TMEM218: variants seen among roughly 807,000 people sequenced by gnomAD.
TMEM218 encodes the protein transmembrane protein 218.
A neutral mutation model predicts 10.0 loss-of-function variants in TMEM218; 8 were observed. That is an observed-to-expected ratio of 0.80 (90% CI 0.47 to 1.44). TMEM218 has a LOEUF of 1.44. Ranked by LOEUF, TMEM218 falls within the 40% of genes most tolerant of loss-of-function variation. The pLI is 0.00. For synonymous variants in TMEM218, 66 were observed against 63.5 expected, an observed-to-expected ratio of 1.04 and a Z score of -0.18; for missense variants, 110 against 140.1, an observed-to-expected ratio of 0.79 and a Z score of 1.08.
At position 125,097,391 on chromosome 11, in the gene TMEM218, C is replaced by T; in HGVS notation, c.*215G>A. On this transcript the variant is annotated 3_prime_UTR_variant, in exon 5 of 5. Transcript: ENST00000682305. ...CGGGTACTAAGAAGATAGCAATATC[C>T]TTCTTAAGCTGGTAAGAATCTAGCC... 1 of 456,376 alleles carries T rather than the reference C, an allele frequency of 2.2e-6. No homozygotes were observed. Among genetic ancestry groups the T allele is most frequent in the South Asian group, 5.6e-5 (1 of 17,852 alleles). 28.3% of individuals were successfully genotyped at this position (456,376 alleles called of 1,614,324 possible). A position where few individuals can be genotyped will look rare whatever the true frequency, so the allele number is the denominator to read the frequency against.
At chr11:125,106,309 C>T (rs12574705) in intron 1 of TMEM218, among the ~76,000 whole-genome samples, 20 of 151,376 alleles carry the variant, frequency 1.3e-4, no homozygotes, top group South Asian at 2.1e-4. Flanking sequence ...ATTAGTACCA[C>T]GCAAAACAGA....
chr11:125,110,429 TGAGA>T (rs1220080182), intron 1 of TMEM218: 2 of 152,246 alleles, frequency 1.3e-5, no homozygotes, highest in East Asian at 3.8e-4. Flanking sequence ...GGTTTTTCTC[TGAGA>T]GAGTTTGTTC....
In TMEM218 at chr11:125,108,682, G is replaced by C. The variant is rs147108351; in HGVS notation, c.-153+2857C>G. The stretch of plus-strand genomic sequence containing the variant: ...CCACAAATAAGTATAATTTTCCTCT[G>C]ATTTACATTAGAGTTGCATTCCTGG... On this transcript the variant is annotated intron_variant, in intron 1 of 4. Transcript: ENST00000682305. The surrounding 1 kb of genome is among the most constrained non-coding windows in gnomAD (Gnocchi z 5.3). Among the ~76,000 whole-genome samples the C allele has an allele frequency of 1.2e-3, 189 of 152,254 alleles. No individual in the cohort carries two copies. The highest frequency in any genetic ancestry group is 4.4e-3 in the African/African-American group (183 of 41,546).
intron 4 of TMEM218, among the ~76,000 whole-genome samples, chr11:125,100,312 C>A (rs193208714): frequency 1.3e-5 from 2 of 152,174 alleles, no homozygotes; most frequent in Non-Finnish European, 2.9e-5. Flanking sequence ...GGCAAGTTAC[C>A]TTAACCTCTG....
intron 4 of TMEM218, 45 bp from the exon 5 acceptor site, chr11:125,097,785 C>G: frequency 6.3e-7 from 1 of 1,589,472 alleles, no homozygotes; most frequent in Non-Finnish European, 8.6e-7. Context: ...CAGTTAGACA[C>G]CCTGGCTGGG....
chr11:125,111,276 C>G (rs1267192509), intron 1 of TMEM218, among the ~76,000 whole-genome samples: 1 of 152,208 alleles, frequency 6.6e-6, no homozygotes, highest in African/African-American at 2.4e-5. Context: ...GGCCACCTCC[C>G]AGGAGCTAGA....
intron 1 of TMEM218, chr11:125,103,835 CT>C (rs780156362): frequency 6.6e-5 from 10 of 152,092 alleles, no homozygotes; most frequent in Non-Finnish European, 1.0e-4. Flanking sequence ...TTTCTTTACC[CT>C]TATGGTTTAA....
intron 2 of TMEM218, 197 bp downstream of exon 2, chr11:125,102,537 T>C: frequency 7.1e-7 from 1 of 1,406,644 alleles, no homozygotes; most frequent in Non-Finnish European, 9.3e-7. Flanking sequence ...AGAAGTTTTT[T>C]CTGAGTGTTT....
chr11:125,109,707 G>A (rs1375487205), intron 1 of TMEM218, among the ~76,000 whole-genome samples: 1 of 152,210 alleles, frequency 6.6e-6, no homozygotes, highest in Non-Finnish European at 1.5e-5. Context: ...CAAGGGAGAA[G>A]GTGTTAGAAA....
chr11:125,107,898 A>G lies in TMEM218; in HGVS notation c.-153+3641T>C, dbSNP rs1481522544. ...CTTTATCAAAGACAAAAAAAAAAAA[A>G]AGAGAGAGAGAGGACCTGAATAAAG... is the stretch of plus-strand genomic sequence containing the variant. On this transcript the variant is annotated intron_variant, in intron 1 of 4. Transcript: ENST00000682305. Among the ~76,000 whole-genome samples, 20 of 151,170 alleles carry G rather than the reference A, an allele frequency of 1.3e-4. No individual in the cohort carries two copies. The South Asian group carries it at 2.3e-3, about 17-fold the overall frequency.
In TMEM218 at chr11:125,096,600, C is replaced by T. The variant is rs1949682127; in HGVS notation, c.*1006G>A. 6.6e-6 allele frequency: 1 copy of T among 152,328 alleles called. No homozygotes were observed. Among genetic ancestry groups the T allele is most frequent in the Non-Finnish European group, 1.5e-5 (1 of 68,026 alleles). The allele number at this position is 152,328 out of a possible 1,614,324, so 9.4% of individuals were successfully genotyped here. A position where few individuals can be genotyped will look rare whatever the true frequency, so the allele number is the denominator to read the frequency against. On this transcript the variant is annotated 3_prime_UTR_variant, in exon 5 of 5. Transcript: ENST00000682305. The stretch of plus-strand genomic sequence containing the variant: ...TATTGGCATAGAGCACATACTCCAT[C>T]AGTGATCTCTTTCCAACTTGTTTTC...
intron 3 of TMEM218, 28 bp downstream of exon 3, chr11:125,102,104 G>GCAATTA (rs1296239637): frequency 6.6e-7 from 1 of 1,517,738 alleles, no homozygotes; most frequent in African/African-American, 1.4e-5. Flanking sequence ...GCTTTACCTA[G>GCAATTA]GACTCCCAGT....
rs192732963 is a variant in TMEM218 at position 125,110,198 on chromosome 11, C to A, written c.-153+1341G>T. 8.2e-3 allele frequency among the ~76,000 whole-genome samples: 1,240 copies of A among 152,072 alleles called. 6 individuals carry two copies. Among genetic ancestry groups the A allele is most frequent in the Non-Finnish European group, 0.013 (907 of 67,966 alleles). On this transcript the variant is annotated intron_variant, in intron 1 of 4. Coordinates refer to ENST00000682305, the MANE Select transcript of TMEM218 (RefSeq NM_001258244.2). Reference sequence around the variant, plus strand: ...TAAATTATTGTTATTGAGTACAATACAATAAAATATAAAAACGGGTTCATG... The same window carrying A: ...TAAATTATTGTTATTGAGTACAATAAAATAAAATATAAAAACGGGTTCATG...
At position 125,102,640 on chromosome 11, in the gene TMEM218, A is replaced by G. The variant is rs781052875; in HGVS notation, c.-77+94T>C. On this transcript the variant is annotated intron_variant, in intron 2 of 4. Transcript: ENST00000682305. ...CTCTCTGAATATAAAACCCTACCTA[A>G]GAACTGGTAGAAGACACCAGGGCAT... 3.9e-6 allele frequency: 5 copies of G among 1,296,368 alleles called. No individual in the cohort carries two copies. In the South Asian group the frequency reaches 4.9e-5, roughly 13 times the overall value. 80.3% of individuals were successfully genotyped at this position (1,296,368 alleles called of 1,614,324 possible). A position where few individuals can be genotyped will look rare whatever the true frequency, so the allele number is the denominator to read the frequency against.
intron 1 of TMEM218, among the ~76,000 whole-genome samples, chr11:125,111,159 T>TG (rs1219426865): frequency 6.6e-6 from 1 of 152,162 alleles, no homozygotes; most frequent in African/African-American, 2.4e-5. Context: ...CACTGCAGCC[T>TG]GGGAACACCC....
intron 1 of TMEM218, among the ~76,000 whole-genome samples, chr11:125,105,496 G>A (rs10893327): frequency 0.15 from 23,224 of 152,162 alleles, 2,169 homozygotes; most frequent in East Asian, 0.42. Context: ...TGAGATACAG[G>A]AAGCATGGTG....
At chr11:125,101,467 C>G (rs748808551) in intron 3 of TMEM218, 164 bp from the exon 4 acceptor site, 4 of 1,532,428 alleles carry the variant, frequency 2.6e-6, no homozygotes, top group Non-Finnish European at 3.5e-6. Context: ...AGTCCTTCTT[C>G]CTAGACAGGT....
In TMEM218 at chr11:125,096,221, T is replaced by G. The variant is rs1163258435; in HGVS notation, c.*1385A>C. ...CCTGGCCCTCACCAGCCCATGACTCTCAGTGGTTACCTGTTCTCTCTTCTT... is the reference window on the plus strand; with the variant it reads ...CCTGGCCCTCACCAGCCCATGACTCGCAGTGGTTACCTGTTCTCTCTTCTT... On this transcript the variant is annotated 3_prime_UTR_variant, in exon 5 of 5. Transcript: ENST00000682305. 6.6e-6 allele frequency among the ~76,000 whole-genome samples: 1 copy of G among 152,198 alleles called. No homozygotes were observed. Among genetic ancestry groups the G allele is most frequent in the Non-Finnish European group, 1.5e-5 (1 of 68,020 alleles).
chr11:125,101,469 T>C, intron 3 of TMEM218, 166 bp from the exon 4 acceptor site: 1 of 1,532,630 alleles, frequency 6.5e-7, no homozygotes, highest in African/African-American at 1.4e-5. Flanking sequence ...TCCTTCTTCC[T>C]AGACAGGTAC....
Sources: gnomAD v4.1 joint callset for allele counts (sites outside exome capture counted in the v4.1 genomes callset) on GRCh38, gnomAD v4.1.1 for gene constraint, Gnocchi (gnomAD v3.1) non-coding constraint, MANE v1.5 for transcripts, NCBI Gene and HGNC (gene_info 2026-07-23, HGNC 2026-07-21) for gene names.